Variants in RPS6KA3 observed in about 807,000 individuals in gnomAD.
RPS6KA3 encodes ribosomal protein S6 kinase A3, also known as ribosomal protein S6 kinase alpha-3.
Under a neutral mutation model 67.2 loss-of-function variants are expected in RPS6KA3, and 4 were observed. The observed-to-expected ratio is 0.06, with a 90% CI of 0.03 to 0.14. RPS6KA3 has a LOEUF of 0.14. Ranked by LOEUF, RPS6KA3 falls within the 10% of genes least tolerant of loss-of-function variation. The pLI is 1.00. For synonymous variants in RPS6KA3, 182 were observed against 183.7 expected, an observed-to-expected ratio of 0.99 and a Z score of 0.07; for missense variants, 204 against 559.0, an observed-to-expected ratio of 0.36 and a Z score of 6.40.
chrX:20,175,356 T>C, intron 13 of RPS6KA3, 68 bp from the exon 14 acceptor site: 1 of 1,072,912 alleles, frequency 9.3e-7, no homozygotes, highest in Non-Finnish European at 1.3e-6. Context: ...CTGTTGACAC[T>C]ATGACCTTTT....
chrX:20,238,801 AC>A (rs747280347), intron 1 of RPS6KA3, among the ~76,000 whole-genome samples: 3 of 111,475 alleles, frequency 2.7e-5, no homozygotes, highest in Non-Finnish European at 5.7e-5. Flanking sequence ...CAAAAAAAGC[AC>A]CTTTATTTAA....
chrX:20,205,755 GATTT>G (rs1277687849), intron 3 of RPS6KA3, among the ~76,000 whole-genome samples: 2 of 112,069 alleles, frequency 1.8e-5, no homozygotes, highest in African/African-American at 6.5e-5. Flanking sequence ...AGATAATTAG[GATTT>G]ATTTGATATT....
intron 4 of RPS6KA3, among the ~76,000 whole-genome samples, chrX:20,195,635 G>A (rs997786036): frequency 7.1e-5 from 8 of 112,220 alleles, no homozygotes; most frequent in Non-Finnish European, 1.5e-4. Flanking sequence ...GAGGGAAGAA[G>A]AAAGGAAGCA....
chrX:20,160,352 G>C (rs1436420823), intron 20 of RPS6KA3, among the ~76,000 whole-genome samples: 1 of 112,245 alleles, frequency 8.9e-6, no homozygotes, highest in Non-Finnish European at 1.9e-5. Context: ...AAGGAAACAA[G>C]TACCCAGAGA....
In RPS6KA3 at chrX:20,166,810, C is replaced by T. The variant is rs759228545; in HGVS notation, c.1602+779G>A. 7.7e-4 allele frequency among the ~76,000 whole-genome samples: 81 copies of T among 105,532 alleles called. No homozygotes were observed. The Middle Eastern group carries it at 0.025, about 32-fold the overall frequency. 91.6% of individuals were successfully genotyped at this position (105,532 alleles called of 115,157 possible). A position where few individuals can be genotyped will look rare whatever the true frequency, so the allele number is the denominator to read the frequency against. ...TCAACTCACTGCAACCTCCGCCTCT[C>T]GGGTTCAAGCAATTCTCCTGCCTCA... On this transcript the variant is annotated intron_variant, in intron 17 of 21. Coordinates refer to ENST00000379565, the MANE Select transcript of RPS6KA3 (RefSeq NM_004586.3).
chrX:20,201,973 T>C (rs1002881917), intron 4 of RPS6KA3, among the ~76,000 whole-genome samples: 2 of 107,637 alleles, frequency 1.9e-5, no homozygotes, highest in African/African-American at 6.8e-5. Flanking sequence ...GTATTTCTTT[T>C]TTCTTTTTTT....
At chrX:20,257,726 T>G (rs1315751324) in intron 1 of RPS6KA3, among the ~76,000 whole-genome samples, 4 of 112,543 alleles carry the variant, frequency 3.6e-5, no homozygotes, top group Non-Finnish European at 1.9e-5. Context: ...TCCAATAATA[T>G]AGAAGATAAT....
At chrX:20,266,952 CCG>C, upstream of RPS6KA3, 2 of 731,201 alleles carry the variant, frequency 2.7e-6, no homozygotes, top group Non-Finnish European at 3.2e-6. Flanking sequence ...TCCGCCCCCC[CCG>C]CCGGTTCCCG....
At chrX:20,203,985 A>G (rs761121112) in intron 4 of RPS6KA3, 37 bp downstream of exon 4, 2 of 1,038,106 alleles carry the variant, frequency 1.9e-6, no homozygotes, top group African/African-American at 3.7e-5. Context: ...CAGTTTGTTT[A>G]GACTACATGA....
intron 1 of RPS6KA3, 72 bp downstream of exon 1, chrX:20,266,492 C>T: frequency 2.2e-6 from 2 of 900,441 alleles, no homozygotes; most frequent in Non-Finnish European, 1.5e-6. Context: ...GTGGCCAGCT[C>T]CGGGGAGCGA....
chrX:20,258,602 A>G (rs1266293231), intron 1 of RPS6KA3, among the ~76,000 whole-genome samples: 1 of 112,262 alleles, frequency 8.9e-6, no homozygotes, highest in African/African-American at 3.2e-5. Flanking sequence ...ACAGAAATCT[A>G]AATGACCAGG....
intron 14 of RPS6KA3, among the ~76,000 whole-genome samples, chrX:20,173,652 G>T (rs989417502): frequency 8.9e-6 from 1 of 112,466 alleles, no homozygotes; most frequent in African/African-American, 3.2e-5. Context: ...CAAGTTTGTG[G>T]TTTCTATGTT....
rs763684715 is a variant in RPS6KA3 at position 20,153,100 on chromosome X, A to G, written c.*2298T>C. The G allele has an allele frequency of 8.9e-6, 1 of 112,117 alleles. No individual in the cohort carries two copies. The highest frequency in any genetic ancestry group is 3.2e-5 in the African/African-American group (1 of 30,878). 9.2% of individuals were successfully genotyped at this position (112,117 alleles called of 1,213,427 possible). On this transcript the variant is annotated 3_prime_UTR_variant, in exon 22 of 22. Transcript: ENST00000379565. ...AATACTATGATGGACAATACTCCTA[A>G]GCAATTACGGAGTAGCATCAGTGTA...
At chrX:20,258,583 G>A (rs2070136447) in intron 1 of RPS6KA3, among the ~76,000 whole-genome samples, 1 of 111,891 alleles carries the variant, frequency 8.9e-6, no homozygotes, top group African/African-American at 3.2e-5. Flanking sequence ...AAGAATTAGA[G>A]ACAAGCTCAC....
At chrX:20,182,861 G>T (rs1278654104) in intron 10 of RPS6KA3, among the ~76,000 whole-genome samples, 1 of 111,685 alleles carries the variant, frequency 9.0e-6, no homozygotes, top group East Asian at 2.8e-4. Context: ...CCACCATTTT[G>T]TACTGTCAGT....
Position 20,175,226 on chromosome X carries a change from C to A in RPS6KA3, c.1165G>T (p.Ala389Ser). The change falls in exon 14 of 22, where the codon GCT becomes TCT. Residue 389 changes from alanine to serine, a missense_variant. Around this residue, in one of 4 missense-constraint regions of RPS6KA3, gnomAD observed 24 missense variants for 25.1 expected, o/e 0.96. Coordinates refer to ENST00000379565, the MANE Select transcript of RPS6KA3 (RefSeq NM_004586.3). Reference sequence around the variant, plus strand: ...TGGCTTTCATCATCTGAGGTAATAGCAACAAAACTAAACCCCCGAAAAAGC... The same window carrying A: ...TGGCTTTCATCATCTGAGGTAATAGAAACAAAACTAAACCCCCGAAAAAGC... Reference protein sequence around the residue: ...HQLFRGFSFVAITSDDESQAM... With the variant: ...HQLFRGFSFVSITSDDESQAM... The A allele has an allele frequency of 8.3e-7, 1 of 1,206,669 alleles. No individual in the cohort carries two copies. Among genetic ancestry groups the A allele is most frequent in the Non-Finnish European group, 1.1e-6 (1 of 890,859 alleles).
At position 20,161,734 on chromosome X, in the gene RPS6KA3, A is replaced by C. The variant is rs751639594; in HGVS notation, c.1869T>G (p.Asp623Glu). ...TGYTPFANGP[D>E]DTPEEILARI... is the part of the protein sequence containing the mutation. ...GTGCCAATATTTCCTCTGGTGTATC[A>C]TCAGGACCATTTGCAAATGGAGTGT... The change falls in exon 20 of 22, where the codon GAT (aspartate) becomes GAG (glutamate). Residue 623 changes from aspartate to glutamate, a missense_variant. Physicochemically the swap from Asp to Glu is conservative, Grantham distance 45. Coordinates refer to ENST00000379565, the MANE Select transcript of RPS6KA3 (RefSeq NM_004586.3). 2.7e-6 allele frequency: 3 copies of C among 1,093,934 alleles called. No individual in the cohort carries two copies. Among genetic ancestry groups the C allele is most frequent in the Non-Finnish European group, 3.7e-6 (3 of 818,451 alleles). 90.2% of individuals were successfully genotyped at this position (1,093,934 alleles called of 1,213,427 possible). A position where few individuals can be genotyped will look rare whatever the true frequency, so the allele number is the denominator to read the frequency against.
intron 1 of RPS6KA3, 70 bp from the exon 2 acceptor site, chrX:20,234,884 GAC>G: frequency 1.4e-6 from 1 of 729,240 alleles, no homozygotes. Flanking sequence ...AATGAAGGCA[GAC>G]AAAAAAAAAA....
chrX:20,170,229 G>C (rs1222949208), intron 15 of RPS6KA3, among the ~76,000 whole-genome samples: 1 of 111,856 alleles, frequency 8.9e-6, no homozygotes, highest in Non-Finnish European at 1.9e-5. Context: ...GACAAATTTT[G>C]CTTTCTATTC....
Sources: allele counts gnomAD v4.1 joint callset (sites outside exome capture counted in the v4.1 genomes callset), GRCh38; gene constraint gnomAD v4.1.1; regional missense constraint gnomAD v4.1.1; transcripts MANE v1.5; gene names NCBI Gene and HGNC (gene_info 2026-07-23, HGNC 2026-07-21).